The following SSH2 variants were observed in gnomAD, a reference collection of about 807,000 sequenced individuals.
The protein encoded by SSH2 is protein phosphatase Slingshot homolog 2.
SSH2 carries 37 observed loss-of-function variants against 135.2 expected under a neutral mutation model. That is an observed-to-expected ratio of 0.27 (90% confidence interval 0.21 to 0.36). The LOEUF (loss-of-function observed/expected upper bound fraction) is 0.36. SSH2 is among the 10% of genes least tolerant of loss of function. SSH2 has a pLI of 1.00. For missense variants in SSH2, 1,408 were observed against 1,765.3 expected, an observed-to-expected ratio of 0.80 and a Z score of 3.63; for synonymous variants, 628 against 646.2, an observed-to-expected ratio of 0.97 and a Z score of 0.43.
At chr17:29,915,866 C>T (rs1052174164) in intron 1 of SSH2, among the ~76,000 whole-genome samples, 4 of 151,288 alleles carry the variant, frequency 2.6e-5, no homozygotes, top group African/African-American at 9.7e-5. Flanking sequence ...TTCTAGGGTA[C>T]ATGTGCACAA....
intron 2 of SSH2, among the ~76,000 whole-genome samples, chr17:29,845,799 A>G (rs1469505949): frequency 1.3e-5 from 2 of 151,916 alleles, no homozygotes; most frequent in Admixed American, 6.6e-5. Context: ...GGCTCAAGTG[A>G]TCCTTTTGCC....
intron 8 of SSH2, 144 bp from the exon 9 acceptor site, chr17:29,672,273 A>G: frequency 1.7e-6 from 1 of 594,610 alleles, no homozygotes; most frequent in East Asian, 2.8e-5. Flanking sequence ...AAGATTCTCC[A>G]ATTCTGATTA....
chr17:29,852,616 A>G (rs2065583684), intron 1 of SSH2, among the ~76,000 whole-genome samples: 1 of 151,470 alleles, frequency 6.6e-6, no homozygotes, highest in Non-Finnish European at 1.5e-5. Flanking sequence ...CAGTGGCGCA[A>G]TCTTTGCTCT....
At position 29,761,155 on chromosome 17, in the gene SSH2, G is replaced by A. The variant is rs547441505; in HGVS notation, c.188+32739C>T. On this transcript the variant is annotated intron_variant, in intron 3 of 15. Coordinates refer to ENST00000540801, the MANE Select transcript of SSH2 (RefSeq NM_001282129.2). ...AGGGCGCGCGGCGGACTCACAGCTG[G>A]TTGATGGCGTTCTGCGAGATGACCG... The A allele has an allele frequency of 3.9e-6, 5 of 1,289,414 alleles. No homozygotes were observed. The East Asian group carries it at 2.2e-4, about 58-fold the overall frequency. The allele number at this position is 1,289,414 out of a possible 1,614,324, so 79.9% of individuals were successfully genotyped here.
chr17:29,687,571 T>C (rs866756092), intron 5 of SSH2, among the ~76,000 whole-genome samples: 14 of 152,184 alleles, frequency 9.2e-5, no homozygotes, highest in Admixed American at 5.9e-4. Flanking sequence ...TAAATGTACA[T>C]GTGGCAGACC....
Position 29,702,982 on chromosome 17 carries a change from CTGATTCTTGGTGTGGA to C in SSH2, c.253_268del (p.Ser85AlafsTer32). On this transcript the variant is annotated frameshift_variant, in exon 4 of 16. Coordinates refer to ENST00000540801, the MANE Select transcript of SSH2 (RefSeq NM_001282129.2). LOFTEE classifies it high-confidence loss of function. Reference sequence around the variant, plus strand: ...ACCTGCATGCTTGTTCCGTCTGTGGCTGATTCTTGGTGTGGATGAGCCATTTCCCCGTGGTAGAAAA... The same window carrying C: ...ACCTGCATGCTTGTTCCGTCTGTGGCTGAGCCATTTCCCCGTGGTAGAAAA... The C allele has an allele frequency of 6.2e-7, 1 of 1,613,724 alleles. No individual in the cohort carries two copies. Among genetic ancestry groups the C allele is most frequent in the Non-Finnish European group, 8.5e-7 (1 of 1,179,742 alleles).
At chr17:29,855,786 A>G (rs1167946295) in intron 1 of SSH2, 1 of 163,452 alleles carries the variant, frequency 6.1e-6, no homozygotes, top group Non-Finnish European at 1.3e-5. Context: ...CAATCAGACT[A>G]TTGACATTCC....
Position 29,698,057 on chromosome 17 carries a change from T to G in SSH2, c.293-2534A>C, listed in dbSNP as rs561069697. ...TACATACTATACCATGGATGACCTT[T>G]GAAAACATGCTAAGTAAAAGGAGCC... On this transcript the variant is annotated intron_variant, in intron 4 of 15. Transcript: ENST00000540801. Among the ~76,000 whole-genome samples, 54 of 152,362 alleles carry G rather than the reference T, an allele frequency of 3.5e-4. 1 individual carries two copies. Among genetic ancestry groups the G allele is most frequent in the Admixed American group, 1.4e-3 (22 of 15,298 alleles).
intron 1 of SSH2, among the ~76,000 whole-genome samples, chr17:29,914,685 A>G (rs1010453040): frequency 1.3e-5 from 2 of 152,230 alleles, no homozygotes; most frequent in Admixed American, 1.3e-4. Context: ...AATGAGCATT[A>G]AATGAGGATG....
chr17:29,918,678 T>C (rs2066923494), intron 1 of SSH2, among the ~76,000 whole-genome samples: 2 of 152,222 alleles, frequency 1.3e-5, no homozygotes, highest in South Asian at 4.1e-4. Flanking sequence ...GGCTCACGCC[T>C]GTAATCCCAA....
chr17:29,746,032 AAG>A (rs2040748924), intron 3 of SSH2, among the ~76,000 whole-genome samples: 1 of 152,200 alleles, frequency 6.6e-6, no homozygotes, highest in African/African-American at 2.4e-5. Flanking sequence ...GGGATACTTT[AAG>A]AATTAAGTGT....
intron 3 of SSH2, among the ~76,000 whole-genome samples, chr17:29,762,299 C>T (rs1245852952): frequency 2.0e-5 from 3 of 152,080 alleles, no homozygotes; most frequent in African/African-American, 7.2e-5. Flanking sequence ...TTAGCCATCC[C>T]CCAATTCAAA....
chr17:29,868,193 C>T (rs1362216837), intron 1 of SSH2, among the ~76,000 whole-genome samples: 2 of 152,186 alleles, frequency 1.3e-5, no homozygotes, highest in Admixed American at 1.3e-4. Flanking sequence ...CTCTAGGGCT[C>T]TTCTTCCCTG....
Position 29,628,534 on chromosome 17 carries a change from C to G in SSH2, c.*2307G>C, listed in dbSNP as rs1273403356. The G allele has an allele frequency of 9.9e-5, 15 of 152,168 alleles. No homozygotes were observed. The highest frequency in any genetic ancestry group is 4.4e-5 in the Non-Finnish European group (3 of 68,044). The allele number at this position is 152,168 out of a possible 1,614,324, so 9.4% of individuals were successfully genotyped here. ...ACTTCCAGGCAAACCCTCTCCCCAC[C>G]CTGCCATAAGTTCCTGCCCTTCCCC... On this transcript the variant is annotated 3_prime_UTR_variant, in exon 16 of 16. Coordinates refer to ENST00000540801, the MANE Select transcript of SSH2 (RefSeq NM_001282129.2).
chr17:29,667,245 T>C, intron 9 of SSH2, 22 bp from the exon 10 acceptor site: 2 of 1,421,562 alleles, frequency 1.4e-6, no homozygotes, highest in South Asian at 1.2e-5. Context: ...GAAATAACGA[T>C]TATTCTTAAA....
chr17:29,890,651 T>C (rs540121673), intron 1 of SSH2, among the ~76,000 whole-genome samples: 2 of 152,306 alleles, frequency 1.3e-5, no homozygotes, highest in Non-Finnish European at 2.9e-5. Flanking sequence ...AGAGTGGTCA[T>C]AGATAAAGGG....
chr17:29,724,841 C>T (rs1248594207), intron 3 of SSH2, among the ~76,000 whole-genome samples: 1 of 151,368 alleles, frequency 6.6e-6, no homozygotes, highest in African/African-American at 2.4e-5. Flanking sequence ...CCACCCACCT[C>T]GGCCTCCCAA....
intron 1 of SSH2, among the ~76,000 whole-genome samples, chr17:29,923,506 C>G (rs1222257541): frequency 6.6e-6 from 1 of 151,376 alleles, no homozygotes; most frequent in Non-Finnish European, 1.5e-5. Context: ...ATGGTCCCAG[C>G]TTTTTGGTGG....
In SSH2 at chr17:29,627,849, C is replaced by T. The variant is rs1002888852; in HGVS notation, c.*2992G>A. The T allele has an allele frequency of 6.6e-5, 10 of 152,266 alleles. No individual in the cohort carries two copies. The highest frequency in any genetic ancestry group is 2.4e-4 in the African/African-American group (10 of 41,426). 9.4% of individuals were successfully genotyped at this position (152,266 alleles called of 1,614,324 possible). On this transcript the variant is annotated 3_prime_UTR_variant, in exon 16 of 16. Transcript: ENST00000540801. ...TTTACCCCATACACCAAAACATCAACTGTTTTTATATATGTACATATGTGT... is the reference window on the plus strand; with the variant it reads ...TTTACCCCATACACCAAAACATCAATTGTTTTTATATATGTACATATGTGT...
Sources: allele counts gnomAD v4.1 joint callset (sites outside exome capture counted in the v4.1 genomes callset), GRCh38; gene constraint gnomAD v4.1.1; transcripts MANE v1.5; gene names NCBI Gene and HGNC (gene_info 2026-07-23, HGNC 2026-07-21).